Variants in SLC1A2 observed in about 807,000 individuals in gnomAD.
The protein encoded by SLC1A2 is excitatory amino acid transporter 2.
In SLC1A2, 15 loss-of-function variants were observed where a neutral mutation model predicts 48.8. The ratio of observed to expected loss-of-function variants is 0.31; its 90% CI spans 0.21 to 0.47. The LOEUF is 0.47. SLC1A2 is among the 20% of genes least tolerant of loss of function. The probability of loss-of-function intolerance (pLI) is 0.99; values close to 1 mark genes in which losing one functional copy is unlikely to be tolerated. For synonymous variants in SLC1A2, 279 were observed against 272.6 expected, an observed-to-expected ratio of 1.02 and a Z score of -0.23; for missense variants, 502 against 730.5, an observed-to-expected ratio of 0.69 and a Z score of 3.61.
chr11:35,378,144 G>GC (rs1042500253), intron 1 of SLC1A2, among the ~76,000 whole-genome samples: 112 of 152,306 alleles, frequency 7.4e-4, no homozygotes, highest in African/African-American at 2.7e-3. Flanking sequence ...CATCCCAAAA[G>GC]CCCTTCCACA....
intron 6 of SLC1A2, chr11:35,298,678 GATA>G (rs564361623): frequency 1.7e-3 from 266 of 152,272 alleles, no homozygotes; most frequent in African/African-American, 6.0e-3. Flanking sequence ...CTCCCAAGAT[GATA>G]ATAAGTATTT....
At chr11:35,278,273 GTTT>G (rs35889672) in intron 9 of SLC1A2, among the ~76,000 whole-genome samples, 1,331 of 88,672 alleles carry the variant, frequency 0.015, 26 homozygotes, top group African/African-American at 0.052. Flanking sequence ...GTTTTTTTTT[GTTT>G]TTTTTTTTTT....
At chr11:35,417,703 G>T (rs1855652458) in intron 1 of SLC1A2, among the ~76,000 whole-genome samples, 2 of 152,308 alleles carry the variant, frequency 1.3e-5, no homozygotes, top group South Asian at 4.1e-4. Flanking sequence ...TTCATGCAAT[G>T]ACAAGATGCC....
intron 1 of SLC1A2, among the ~76,000 whole-genome samples, chr11:35,364,984 C>T (rs983869831): frequency 5.3e-5 from 8 of 152,142 alleles, no homozygotes; most frequent in African/African-American, 9.7e-5. Flanking sequence ...TTCATCTGAA[C>T]GCACAGCCAA....
At chr11:35,338,356 A>G (rs893360402) in intron 1 of SLC1A2, among the ~76,000 whole-genome samples, 1 of 152,000 alleles carries the variant, frequency 6.6e-6, no homozygotes, top group African/African-American at 2.4e-5. Context: ...TTTTGGTTCT[A>G]TCCTCTCGAC....
At chr11:35,283,539 C>T (rs937965586) in intron 8 of SLC1A2, among the ~76,000 whole-genome samples, 1 of 152,112 alleles carries the variant, frequency 6.6e-6, no homozygotes, top group African/African-American at 2.4e-5. Flanking sequence ...ATAAAACAAA[C>T]CCTGTGTAGA....
rs143999534 is a variant in SLC1A2, at chr11:35,315,284, A to G, written c.158-109T>C. ...ACCTTTCTCATGCTTCTGCAGTATT[A>G]AATGATGAACAATGTGTAACAAAAA... On this transcript the variant is annotated intron_variant, in intron 2 of 10. Transcript: ENST00000278379. 3.2e-4 allele frequency: 232 copies of G among 736,044 alleles called. 1 individual carries two copies. The African/African-American group carries it at 3.8e-3, about 12-fold the overall frequency. 45.6% of individuals were successfully genotyped at this position (736,044 alleles called of 1,614,324 possible).
intron 1 of SLC1A2, among the ~76,000 whole-genome samples, chr11:35,409,099 G>A (rs1439839110): frequency 6.6e-6 from 1 of 152,304 alleles, no homozygotes; most frequent in Admixed American, 6.5e-5. Flanking sequence ...AAACACTCAC[G>A]AAGATATAAT....
intron 6 of SLC1A2, among the ~76,000 whole-genome samples, chr11:35,297,162 A>C (rs1449870925): frequency 1.3e-5 from 2 of 152,120 alleles, no homozygotes; most frequent in East Asian, 3.8e-4. Context: ...TTTAGCAAAA[A>C]ACTCATCTAA....
chr11:35,308,420 T>C (rs1279583833), intron 4 of SLC1A2, among the ~76,000 whole-genome samples: 1 of 152,190 alleles, frequency 6.6e-6, no homozygotes, highest in East Asian at 1.9e-4. Context: ...TCCATGTAAG[T>C]GCTGTTTTAG....
In SLC1A2 at chr11:35,372,679, AT is replaced by A. The variant is rs1854097793; in HGVS notation, c.17+46270del. Among the ~76,000 whole-genome samples the A allele has an allele frequency of 3.3e-5, 5 of 152,378 alleles. No individual in the cohort carries two copies. In the South Asian group the frequency reaches 1.0e-3, roughly 32 times the overall value. On this transcript the variant is annotated intron_variant, in intron 1 of 10. Transcript: ENST00000278379. ...ATCATCAAGGTAATTACAGTAGGTT[AT>A]AATTATAATCAATAGCACTTATAGA...
At chr11:35,367,662 G>T (rs1450008199) in intron 1 of SLC1A2, among the ~76,000 whole-genome samples, 1 of 152,170 alleles carries the variant, frequency 6.6e-6, no homozygotes, top group African/African-American at 2.4e-5. Context: ...CGTTTATTAT[G>T]ATCCACGTGC....
intron 1 of SLC1A2, among the ~76,000 whole-genome samples, chr11:35,381,966 G>A (rs183800382): frequency 1.1e-3 from 169 of 152,254 alleles, no homozygotes; most frequent in African/African-American, 3.8e-3. Context: ...ACAGTACCCT[G>A]CACAAAGCCA....
chr11:35,351,442 T>A (rs368839426), intron 1 of SLC1A2, among the ~76,000 whole-genome samples: 11 of 152,292 alleles, frequency 7.2e-5, no homozygotes, highest in African/African-American at 2.6e-4. Flanking sequence ...CATGGACGTG[T>A]GTTCTCCCAG....
intron 1 of SLC1A2, chr11:35,413,573 G>A (rs1379645403): frequency 1.3e-5 from 2 of 152,118 alleles, no homozygotes; most frequent in African/African-American, 2.4e-5. Context: ...CCAGAATCAG[G>A]ATTTTTTTTA....
At chr11:35,370,742 C>T (rs931860786) in intron 1 of SLC1A2, among the ~76,000 whole-genome samples, 1 of 152,050 alleles carries the variant, frequency 6.6e-6, no homozygotes, top group African/African-American at 2.4e-5. Context: ...TCACTGGAGG[C>T]AGTGTCTGAA....
intron 10 of SLC1A2, chr11:35,264,931 A>G (rs7115246): frequency 0.49 from 74,828 of 151,434 alleles, 18,942 homozygotes; most frequent in East Asian, 0.63. Flanking sequence ...ATATTTGAAA[A>G]TCAGTAGCCA....
intron 1 of SLC1A2, among the ~76,000 whole-genome samples, chr11:35,389,827 G>C (rs749078653): frequency 3.3e-5 from 5 of 151,986 alleles, no homozygotes; most frequent in South Asian, 2.1e-4. Flanking sequence ...TGCCCAGGCT[G>C]GTCTCAAACT....
rs941508935 is a variant in SLC1A2 at position 35,259,904 on chromosome 11, G to T, written c.*990C>A. 2 of 152,188 alleles carry T rather than the reference G, an allele frequency of 1.3e-5. No individual in the cohort carries two copies. Among genetic ancestry groups the T allele is most frequent in the Non-Finnish European group, 2.9e-5 (2 of 68,032 alleles). The allele number at this position is 152,188 out of a possible 1,614,324, so 9.4% of individuals were successfully genotyped here. A position where few individuals can be genotyped will look rare whatever the true frequency, so the allele number is the denominator to read the frequency against. On this transcript the variant is annotated 3_prime_UTR_variant, in exon 11 of 11. Transcript: ENST00000278379. ...CTTCCATGTGTGAGGACAGTAAAAT[G>T]ACCAGGCTTTCTAGGACGATGAGAT...
Sources: gnomAD v4.1 joint callset for allele counts (sites outside exome capture counted in the v4.1 genomes callset) on GRCh38, gnomAD v4.1.1 for gene constraint, MANE v1.5 for transcripts, NCBI Gene and HGNC (gene_info 2026-07-23, HGNC 2026-07-21) for gene names.